FRMD4A: variants seen among roughly 807,000 people sequenced by gnomAD.
FRMD4A encodes FERM domain-containing protein 4A.
FRMD4A carries 29 observed loss-of-function variants against 129.1 expected under a neutral mutation model. The observed-to-expected ratio is 0.22, with a 90% CI of 0.17 to 0.31. FRMD4A has a LOEUF of 0.31. Among genes scored for constraint, FRMD4A ranks in the 10% least tolerant of loss-of-function variants. The probability of loss-of-function intolerance (pLI) is 1.00; values close to 1 mark genes in which losing one functional copy is unlikely to be tolerated. For missense variants in FRMD4A, 1,272 were observed against 1,375.8 expected (o/e 0.92, Z 1.19); for synonymous variants, 634 against 571.6 (o/e 1.11, Z -1.56).
At chr10:14,226,422 T>C (rs2131980463) in intron 2 of FRMD4A, among the ~76,000 whole-genome samples, 1 of 152,366 alleles carries the variant, frequency 6.6e-6, no homozygotes, top group East Asian at 1.9e-4. Flanking sequence ...TCAGCTATTT[T>C]GTGCCTGTTC....
In FRMD4A at chr10:13,701,848, G is replaced by A. The variant is rs572687634; in HGVS notation, c.837-370C>T. On this transcript the variant is annotated intron_variant, in intron 13 of 24. Coordinates refer to ENST00000357447, the MANE Select transcript of FRMD4A (RefSeq NM_018027.5). Reference sequence around the variant, plus strand: ...AAACCTTCAATGATGCTCCCTATGAGACAGGAAATGTGCCTACGGTGGGGA... The same window carrying A: ...AAACCTTCAATGATGCTCCCTATGAAACAGGAAATGTGCCTACGGTGGGGA... 2.0e-5 allele frequency among the ~76,000 whole-genome samples: 3 copies of A among 152,318 alleles called. No individual in the cohort carries two copies. The East Asian group carries it at 5.8e-4, about 29-fold the overall frequency.
rs540386752 is a variant in FRMD4A, at chr10:13,680,735, AT to A, written c.1118-5692del. ...AGCGAGACTCCATTTAAAAAAAAAA[AT>A]TTAAAAAAAAGTTTAAAAAAAGGAT... On this transcript the variant is annotated intron_variant, in intron 15 of 24. Transcript: ENST00000357447. Among the ~76,000 whole-genome samples, 506 of 151,840 alleles carry A rather than the reference AT, an allele frequency of 3.3e-3. 2 individuals carry two copies. Among genetic ancestry groups the A allele is most frequent in the South Asian group, 6.9e-3 (33 of 4,810 alleles).
chr10:13,970,736 A>G (rs1383827242), intron 2 of FRMD4A, among the ~76,000 whole-genome samples: 1 of 152,136 alleles, frequency 6.6e-6, no homozygotes, highest in African/African-American at 2.4e-5. Flanking sequence ...GGGTCCTCTC[A>G]GGCGGGGCTG....
Position 13,694,048 on chromosome 10 carries a change from G to T in FRMD4A, c.976-9C>A, listed in dbSNP as rs2085983386. The T allele has an allele frequency of 4.0e-6, 6 of 1,505,094 alleles. No homozygotes were observed. The highest frequency in any genetic ancestry group is 5.3e-6 in the Non-Finnish European group (6 of 1,128,644). 93.2% of individuals were successfully genotyped at this position (1,505,094 alleles called of 1,614,324 possible). Reference sequence around the variant, plus strand: ...GCTGCATGGATTTTGGACTGGAATGGAAAGGGAAGCAGGTCAAAGAAGTGA... The same window carrying T: ...GCTGCATGGATTTTGGACTGGAATGTAAAGGGAAGCAGGTCAAAGAAGTGA... On this transcript the variant is annotated splice_polypyrimidine_tract_variant and intron_variant, in intron 14 of 24. Transcript: ENST00000357447.
intron 2 of FRMD4A, among the ~76,000 whole-genome samples, chr10:13,962,275 A>C (rs557770377): frequency 6.6e-6 from 1 of 152,334 alleles, no homozygotes; most frequent in East Asian, 1.9e-4. Flanking sequence ...CCAGCCACTA[A>C]CTTCTCTGAG....
intron 15 of FRMD4A, chr10:13,685,684 C>T (rs1334011649): frequency 1.0e-6 from 1 of 975,016 alleles, no homozygotes; most frequent in Non-Finnish European, 1.2e-6. Flanking sequence ...AAAATTTCAT[C>T]ACAGTCCTAC....
At chr10:14,011,076 G>A (rs1205832829) in intron 2 of FRMD4A, among the ~76,000 whole-genome samples, 1 of 152,192 alleles carries the variant, frequency 6.6e-6, no homozygotes, top group African/African-American at 2.4e-5. Context: ...AGAAATGTCA[G>A]AGCTAGGATG....
chr10:14,152,460 A>G (rs968138966), intron 2 of FRMD4A, among the ~76,000 whole-genome samples: 1 of 152,026 alleles, frequency 6.6e-6, no homozygotes, highest in African/African-American at 2.4e-5. Flanking sequence ...AAGTCTAAAG[A>G]CAGTTACTCC....
intron 2 of FRMD4A, among the ~76,000 whole-genome samples, chr10:14,256,803 C>T (rs913972600): frequency 2.7e-5 from 4 of 150,836 alleles, no homozygotes; most frequent in South Asian, 2.1e-4. Flanking sequence ...GGCCACACAG[C>T]GAGACTCTGT....
chr10:13,787,797 G>A (rs557950199), intron 5 of FRMD4A, among the ~76,000 whole-genome samples: 3 of 150,864 alleles, frequency 2.0e-5, no homozygotes, highest in Admixed American at 6.6e-5. Context: ...GTTTTTGGCC[G>A]GGCATAGTTT....
intron 2 of FRMD4A, among the ~76,000 whole-genome samples, chr10:14,174,790 G>A (rs1589127892): frequency 1.3e-5 from 2 of 151,812 alleles, no homozygotes; most frequent in East Asian, 1.9e-4. Context: ...GCACATAACT[G>A]TAGCCTCTTT....
At chr10:14,262,048 T>C (rs983376662) in intron 2 of FRMD4A, among the ~76,000 whole-genome samples, 2 of 152,114 alleles carry the variant, frequency 1.3e-5, no homozygotes, top group Non-Finnish European at 1.5e-5. Flanking sequence ...TCTCTTTACC[T>C]GTCTTCAGCA....
At chr10:14,105,270 A>G (rs960041245) in intron 2 of FRMD4A, among the ~76,000 whole-genome samples, 3 of 152,192 alleles carry the variant, frequency 2.0e-5, no homozygotes, top group East Asian at 3.8e-4. Flanking sequence ...GCAATAAAAT[A>G]AAGTTTGTTA....
chr10:13,931,319 C>T (rs1022471331), intron 2 of FRMD4A, among the ~76,000 whole-genome samples: 3 of 152,140 alleles, frequency 2.0e-5, no homozygotes, highest in Admixed American at 6.5e-5. Context: ...TTATGTATTC[C>T]CCCACCTACC....
At chr10:14,088,849 T>C (rs951056608) in intron 2 of FRMD4A, among the ~76,000 whole-genome samples, 1 of 151,598 alleles carries the variant, frequency 6.6e-6, no homozygotes, top group Non-Finnish European at 1.5e-5. Context: ...CACACTGTTT[T>C]CCCCAGGAGG....
At chr10:14,260,907 C>T (rs1441702812) in intron 2 of FRMD4A, among the ~76,000 whole-genome samples, 1 of 152,220 alleles carries the variant, frequency 6.6e-6, no homozygotes, top group African/African-American at 2.4e-5. Flanking sequence ...CACCTGGGGT[C>T]AGGCTTGGCC....
At chr10:13,712,513 CAAA>C (rs1203098503) in intron 12 of FRMD4A, among the ~76,000 whole-genome samples, 1 of 130,688 alleles carries the variant, frequency 7.7e-6, no homozygotes, top group African/African-American at 2.8e-5. Context: ...GACTCCATTT[CAAA>C]AAAAAAAAAA....
At chr10:13,957,256 CTTTT>C (rs2095414955) in intron 2 of FRMD4A, among the ~76,000 whole-genome samples, 1 of 152,124 alleles carries the variant, frequency 6.6e-6, no homozygotes. Flanking sequence ...CTAACCCTTC[CTTTT>C]TGTTTTTTGT....
chr10:13,645,894 A>C lies in FRMD4A; in HGVS notation c.*1144T>G, dbSNP rs2081088553. 1 of 152,484 alleles carries C rather than the reference A, an allele frequency of 6.6e-6. No individual in the cohort carries two copies. Among genetic ancestry groups the C allele is most frequent in the Non-Finnish European group, 1.5e-5 (1 of 68,038 alleles). The allele number at this position is 152,484 out of a possible 1,614,324, so 9.4% of individuals were successfully genotyped here. A position where few individuals can be genotyped will look rare whatever the true frequency, so the allele number is the denominator to read the frequency against. The stretch of plus-strand genomic sequence containing the variant: ...AAAACGAAAATGAAACACCTTGTGC[A>C]AAAAAATAGGATACGCTTTTACTGG... On this transcript the variant is annotated 3_prime_UTR_variant, in exon 25 of 25. Coordinates refer to ENST00000357447, the MANE Select transcript of FRMD4A (RefSeq NM_018027.5).
Sources: allele counts gnomAD v4.1 joint callset (sites outside exome capture counted in the v4.1 genomes callset), GRCh38; gene constraint gnomAD v4.1.1; transcripts MANE v1.5; gene names NCBI Gene and HGNC (gene_info 2026-07-23, HGNC 2026-07-21).